CNGB3: variants seen among roughly 807,000 people sequenced by gnomAD.
The protein encoded by CNGB3 is cyclic nucleotide-gated channel beta-3.
CNGB3 carries 86 observed loss-of-function variants against 92.8 expected under a neutral mutation model. The ratio of observed to expected loss-of-function variants is 0.93; its 90% CI spans 0.78 to 1.11. The LOEUF is 1.11. CNGB3 is among the 50% of genes least tolerant of loss of function. CNGB3 has a pLI of 0.00. For missense variants in CNGB3, 1,026 were observed against 956.8 expected, an observed-to-expected ratio of 1.07 and a Z score of -0.95; for synonymous variants, 333 against 332.7, an observed-to-expected ratio of 1.00 and a Z score of -0.01.
chr8:86,719,623 C>A (rs546158353), intron 3 of CNGB3, among the ~76,000 whole-genome samples: 1 of 152,118 alleles, frequency 6.6e-6, no homozygotes, highest in African/African-American at 2.4e-5. Flanking sequence ...CACCATCATT[C>A]TTCACAGAAC....
At chr8:86,605,822 A>G (rs2131560556) in intron 14 of CNGB3, among the ~76,000 whole-genome samples, 1 of 152,298 alleles carries the variant, frequency 6.6e-6, no homozygotes, top group East Asian at 1.9e-4. Context: ...ATTTTCCTGA[A>G]CATCAACTAT....
chr8:86,642,364 T>C (rs1045826027), intron 10 of CNGB3, among the ~76,000 whole-genome samples: 73 of 151,952 alleles, frequency 4.8e-4, no homozygotes, highest in African/African-American at 1.6e-3. Flanking sequence ...ATAATTCACA[T>C]TCTAAAGGGA....
intron 2 of CNGB3, among the ~76,000 whole-genome samples, chr8:86,735,714 TG>T (rs1413890773): frequency 6.6e-6 from 1 of 152,202 alleles, no homozygotes; most frequent in African/African-American, 2.4e-5. Context: ...TTGATTACAT[TG>T]GGGTTACCTG....
intron 15 of CNGB3, among the ~76,000 whole-genome samples, chr8:86,603,459 C>T (rs1211772175): frequency 6.6e-6 from 1 of 152,042 alleles, no homozygotes; most frequent in Non-Finnish European, 1.5e-5. Flanking sequence ...GTTTCTTGTT[C>T]TAGGATAAAC....
chr8:86,716,202 A>C (rs1320949272), intron 3 of CNGB3, among the ~76,000 whole-genome samples: 1 of 152,132 alleles, frequency 6.6e-6, no homozygotes, highest in Non-Finnish European at 1.5e-5. Context: ...AAATGAACAA[A>C]GCCTCCAAGA....
In CNGB3 at chr8:86,651,451, C is replaced by G. The variant is rs914047616; in HGVS notation, c.903+2561G>C. ...TTAGAAATTGCATCATATCATCAAA[C>G]CTCATTGATTTCACTGTAGAGGTAT... On this transcript the variant is annotated intron_variant, in intron 7 of 17. Transcript: ENST00000320005. Among the ~76,000 whole-genome samples the G allele has an allele frequency of 6.6e-5, 10 of 151,934 alleles. No individual in the cohort carries two copies. In the South Asian group the frequency reaches 1.7e-3, roughly 25 times the overall value.
At chr8:86,656,699 T>G (rs1823511262) in intron 6 of CNGB3, among the ~76,000 whole-genome samples, 1 of 152,190 alleles carries the variant, frequency 6.6e-6, no homozygotes, top group South Asian at 2.1e-4. Context: ...ATTTACTTAG[T>G]ATTTACCTCT....
At chr8:86,697,205 A>C (rs1474298149) in intron 3 of CNGB3, among the ~76,000 whole-genome samples, 1 of 152,126 alleles carries the variant, frequency 6.6e-6, no homozygotes, top group Admixed American at 6.5e-5. Context: ...CTATTTGGCT[A>C]CCTTGCACTG....
intron 6 of CNGB3, chr8:86,658,781 G>T: frequency 1.9e-6 from 1 of 522,600 alleles, no homozygotes; most frequent in South Asian, 2.5e-5. Context: ...TCTGCAACTT[G>T]GCCAGCTGCT....
intron 3 of CNGB3, among the ~76,000 whole-genome samples, chr8:86,717,253 G>T (rs1586033963): frequency 6.6e-6 from 1 of 151,956 alleles, no homozygotes; most frequent in East Asian, 1.9e-4. Context: ...GAGATAGACG[G>T]CAACACAATA....
chr8:86,578,620 G>T, intron 17 of CNGB3, 69 bp downstream of exon 17: 1 of 1,417,942 alleles, frequency 7.1e-7, no homozygotes, highest in Non-Finnish European at 1.0e-6. Context: ...ATTAGAGTGG[G>T]CGTTTGTGTG....
rs1822720810 is a variant in CNGB3, at chr8:86,621,224, A to G, written c.1578+4759T>C. ...AGTTACTTACTGTCACTTATTCTCAATTAAGTTCGTCATTCAGGTATAACG... is the reference window on the plus strand; with the variant it reads ...AGTTACTTACTGTCACTTATTCTCAGTTAAGTTCGTCATTCAGGTATAACG... On this transcript the variant is annotated intron_variant, in intron 13 of 17. Coordinates refer to ENST00000320005, the MANE Select transcript of CNGB3 (RefSeq NM_019098.5). 5.9e-5 allele frequency among the ~76,000 whole-genome samples: 9 copies of G among 152,226 alleles called. No individual in the cohort carries two copies. The South Asian group carries it at 1.7e-3, about 28-fold the overall frequency.
intron 3 of CNGB3, among the ~76,000 whole-genome samples, chr8:86,714,381 G>A (rs866763456): frequency 3.1e-4 from 47 of 152,234 alleles, no homozygotes; most frequent in African/African-American, 1.1e-3. Context: ...TGCAACCTCT[G>A]CCTCCTAGGT....
chr8:86,693,933 T>C (rs944043615), intron 3 of CNGB3, among the ~76,000 whole-genome samples: 2 of 144,872 alleles, frequency 1.4e-5, no homozygotes, highest in Non-Finnish European at 3.0e-5. Context: ...GCCATTGTCA[T>C]CATGGCCCGT....
chr8:86,711,404 A>G (rs577080893), intron 3 of CNGB3, among the ~76,000 whole-genome samples: 206 of 152,312 alleles, frequency 1.4e-3, no homozygotes, highest in Admixed American at 1.7e-3. Flanking sequence ...TAGGAACACA[A>G]GAAGACCCAT....
Position 86,654,038 on chromosome 8 carries a change from G to A in CNGB3, c.877C>T (p.His293Tyr), listed in dbSNP as rs1823455880. 2 of 1,601,446 alleles carry A rather than the reference G, an allele frequency of 1.2e-6. No homozygotes were observed. Among genetic ancestry groups the A allele is most frequent in the Non-Finnish European group, 1.7e-6 (2 of 1,168,710 alleles). The change falls in exon 7 of 18, where the codon CAC becomes TAC. Residue 293 changes from histidine to tyrosine, a missense_variant. Coordinates refer to ENST00000320005, the MANE Select transcript of CNGB3 (RefSeq NM_019098.5). ...IIVDSNELRK[H>Y]YRTSTKFQLD... The stretch of plus-strand genomic sequence containing the variant: ...TGAAATTTTGTAGAAGTCCTGTAGT[G>A]TTTCCTTAGCTCATTTGAATCCACC...
intron 3 of CNGB3, among the ~76,000 whole-genome samples, chr8:86,692,242 A>G (rs1824333683): frequency 6.6e-6 from 1 of 152,138 alleles, no homozygotes. Flanking sequence ...TATAAAGTCC[A>G]TTTGTTGTAG....
intron 15 of CNGB3, among the ~76,000 whole-genome samples, chr8:86,600,146 G>A (rs180704923): frequency 8.5e-5 from 13 of 152,220 alleles, no homozygotes; most frequent in Admixed American, 2.0e-4. Context: ...CCCGATAAAC[G>A]TTCAGCTTTT....
intron 3 of CNGB3, among the ~76,000 whole-genome samples, chr8:86,689,331 G>T (rs1824253312): frequency 6.6e-6 from 1 of 151,588 alleles, no homozygotes; most frequent in South Asian, 2.1e-4. Context: ...ATGTTTCTTT[G>T]TTGATTTTCT....
Sources: allele counts gnomAD v4.1 joint callset (sites outside exome capture counted in the v4.1 genomes callset), GRCh38; gene constraint gnomAD v4.1.1; transcripts MANE v1.5; gene names NCBI Gene and HGNC (gene_info 2026-07-23, HGNC 2026-07-21).